Variants in CEMIP observed in about 807,000 individuals in gnomAD.
CEMIP encodes the protein cell migration inducing hyaluronidase 1.
Under a neutral mutation model 156.9 loss-of-function variants are expected in CEMIP, and 105 were observed. The observed-to-expected ratio is 0.67, with a 90% CI of 0.57 to 0.79. The LOEUF (loss-of-function observed/expected upper bound fraction) is 0.79. Among genes scored for constraint, CEMIP ranks in the 30% least tolerant of loss-of-function variants. The probability of loss-of-function intolerance (pLI) is 0.00; values close to 1 mark genes in which losing one functional copy is unlikely to be tolerated. For synonymous variants in CEMIP, 676 were observed against 668.4 expected (o/e 1.01, Z -0.17); for missense variants, 1,457 against 1,769.4 (o/e 0.82, Z 3.17).
chr15:80,828,570 G>A (rs890712050), intron 1 of CEMIP, among the ~76,000 whole-genome samples: 1 of 152,116 alleles, frequency 6.6e-6, no homozygotes, highest in African/African-American at 2.4e-5. Context: ...ATAAACCTAT[G>A]GCTAATCATT....
At chr15:80,943,880 G>A (rs1171377495) in intron 28 of CEMIP, among the ~76,000 whole-genome samples, 1 of 152,160 alleles carries the variant, frequency 6.6e-6, no homozygotes. Flanking sequence ...CTTAAATGTA[G>A]GGAAAACCTG....
chr15:80,865,322 C>T (rs1036020872), intron 1 of CEMIP, among the ~76,000 whole-genome samples: 4 of 152,074 alleles, frequency 2.6e-5, no homozygotes, highest in African/African-American at 7.2e-5. Context: ...GCTGGGTCTA[C>T]GGGCTCGCGC....
At chr15:80,779,670 G>A (rs1389094505) in intron 1 of CEMIP, 56 bp downstream of exon 1, 1 of 152,498 alleles carries the variant, frequency 6.6e-6, no homozygotes, top group East Asian at 1.9e-4. Flanking sequence ...TGCCACGGAA[G>A]AGAGGTAAGA....
chr15:80,804,859 C>A (rs1417910290), intron 1 of CEMIP, among the ~76,000 whole-genome samples: 3 of 152,038 alleles, frequency 2.0e-5, no homozygotes, highest in Non-Finnish European at 2.9e-5. Flanking sequence ...ATAGGAAAGG[C>A]TTTTGGTTGT....
intron 6 of CEMIP, 38 bp from the exon 7 acceptor site, chr15:80,884,137 T>C (rs762435723): frequency 6.2e-7 from 1 of 1,610,250 alleles, no homozygotes; most frequent in African/African-American, 1.3e-5. Context: ...TTGGCTGCGG[T>C]CAAGACTATT....
At chr15:80,882,734 GATA>G (rs1463856060) in intron 6 of CEMIP, among the ~76,000 whole-genome samples, 1 of 150,140 alleles carries the variant, frequency 6.7e-6, no homozygotes, top group African/African-American at 2.5e-5. Context: ...TATGAGTAAA[GATA>G]ATAAGCGCAT....
chr15:80,791,021 T>C (rs1007569037), intron 1 of CEMIP, among the ~76,000 whole-genome samples: 2 of 152,042 alleles, frequency 1.3e-5, no homozygotes, highest in South Asian at 2.1e-4. Context: ...TGATATTTGA[T>C]TGGGCCTTAA....
At chr15:80,877,077 T>G (rs534971877) in intron 3 of CEMIP, among the ~76,000 whole-genome samples, 3 of 152,248 alleles carry the variant, frequency 2.0e-5, no homozygotes, top group Non-Finnish European at 4.4e-5. Flanking sequence ...ATTCCCCTGA[T>G]AAAACCATCA....
intron 1 of CEMIP, among the ~76,000 whole-genome samples, chr15:80,794,558 A>G (rs1896166564): frequency 6.6e-6 from 1 of 152,238 alleles, no homozygotes; most frequent in South Asian, 2.1e-4. Context: ...AATTTTAATA[A>G]TATACTTTAT....
chr15:80,841,950 A>G (rs756432422), intron 1 of CEMIP: 10 of 294,928 alleles, frequency 3.4e-5, no homozygotes, highest in African/African-American at 4.6e-5. Context: ...ATTACATACA[A>G]AGATGCATGG....
At position 80,847,793 on chromosome 15, in the gene CEMIP, G is replaced by A. The variant is rs139820437; in HGVS notation, c.-175-25745G>A. 5.8e-4 allele frequency among the ~76,000 whole-genome samples: 88 copies of A among 152,364 alleles called. 2 individuals are homozygous for A. In the East Asian group the frequency reaches 0.016, roughly 28 times the overall value. ...GAATGTCAAAGTGCAGAAGGGCGCTGTGGGTGGCAGGATGCTTGCTGGCCA... is the reference window on the plus strand; with the variant it reads ...GAATGTCAAAGTGCAGAAGGGCGCTATGGGTGGCAGGATGCTTGCTGGCCA... On this transcript the variant is annotated intron_variant, in intron 1 of 29. Coordinates refer to ENST00000394685, the MANE Select transcript of CEMIP (RefSeq NM_001293298.2).
intron 14 of CEMIP, among the ~76,000 whole-genome samples, chr15:80,914,924 C>T (rs769475818): frequency 7.3e-5 from 11 of 149,952 alleles, no homozygotes; most frequent in African/African-American, 1.7e-4. Context: ...GTTAGGGGGT[C>T]GGAAAGGGGG....
intron 9 of CEMIP, among the ~76,000 whole-genome samples, chr15:80,889,099 G>C (rs1321971272): frequency 6.6e-6 from 1 of 152,190 alleles, no homozygotes; most frequent in Non-Finnish European, 1.5e-5. Flanking sequence ...AGGAAATGCA[G>C]ATAGGAATAG....
At chr15:80,805,983 T>C (rs771063169) in intron 1 of CEMIP, among the ~76,000 whole-genome samples, 3 of 152,232 alleles carry the variant, frequency 2.0e-5, no homozygotes, top group Non-Finnish European at 4.4e-5. Context: ...AATCTCCCAA[T>C]ACCTTACACT....
intron 1 of CEMIP, among the ~76,000 whole-genome samples, chr15:80,854,908 A>C (rs1429842209): frequency 6.6e-6 from 1 of 152,198 alleles, no homozygotes; most frequent in Non-Finnish European, 1.5e-5. Context: ...GCAGGGGTCA[A>C]ACTATGTCTA....
rs1294736131 is a variant in CEMIP at position 80,881,125 on chromosome 15, C to T, written c.606C>T (p.Ile202=). The stretch of plus-strand genomic sequence containing the variant: ...TCGACCCCAAATCAGGCACAGTCAT[C>T]CATTCTGACCGGTAAGGTTTGCCTT... ...HVIDPKSGTV[I]HSDRFDTYRS... The change falls in exon 6 of 30, where the codon ATC becomes ATT. Residue 202 remains isoleucine, a synonymous_variant. Transcript: ENST00000394685. 3 of 1,613,832 alleles carry T rather than the reference C, an allele frequency of 1.9e-6. No homozygotes were observed. Among genetic ancestry groups the T allele is most frequent in the Non-Finnish European group, 2.5e-6 (3 of 1,179,710 alleles).
chr15:80,947,114 A>C (rs1354494491), intron 29 of CEMIP, 49 bp downstream of exon 29: 2 of 1,220,230 alleles, frequency 1.6e-6, no homozygotes, highest in Admixed American at 3.5e-5. Context: ...CAGAGAAGGC[A>C]AATGCCTGGC....
chr15:80,852,802 G>A (rs1028880151), intron 1 of CEMIP, among the ~76,000 whole-genome samples: 4 of 152,234 alleles, frequency 2.6e-5, no homozygotes, highest in African/African-American at 4.8e-5. Flanking sequence ...TGTGTGCAGC[G>A]TTAAGTGTCT....
chr15:80,796,166 G>A (rs189884054), intron 1 of CEMIP, among the ~76,000 whole-genome samples: 18 of 152,198 alleles, frequency 1.2e-4, no homozygotes, highest in African/African-American at 2.9e-4. Flanking sequence ...ATGCGGGGGC[G>A]TCTCACTACG....
Sources: allele counts gnomAD v4.1 joint callset (sites outside exome capture counted in the v4.1 genomes callset), GRCh38; gene constraint gnomAD v4.1.1; transcripts MANE v1.5; gene names NCBI Gene and HGNC (gene_info 2026-07-23, HGNC 2026-07-21).